Variants in ZNF506 observed in about 807,000 individuals in gnomAD.
ZNF506 encodes the protein zinc finger protein 506.
ZNF506 carries 10 observed loss-of-function variants against 11.6 expected under a neutral mutation model. That is an observed-to-expected ratio of 0.86 (90% CI 0.53 to 1.46). ZNF506 has a LOEUF of 1.46. ZNF506 is among the 40% of genes most tolerant of loss of function. The pLI is 0.00. For missense variants in ZNF506, 425 were observed against 521.2 expected, an observed-to-expected ratio of 0.82 and a Z score of 1.80; for synonymous variants, 156 against 173.3, an observed-to-expected ratio of 0.90 and a Z score of 0.78.
chr19:19,793,412 TC>T lies in ZNF506; in HGVS notation c.*1139del, dbSNP rs1024244863. Among the ~76,000 whole-genome samples the T allele has an allele frequency of 2.0e-4, 30 of 152,290 alleles. No individual in the cohort carries two copies. Among genetic ancestry groups the T allele is most frequent in the African/African-American group, 6.3e-4 (26 of 41,570 alleles). On this transcript the variant is annotated 3_prime_UTR_variant, in exon 4 of 4. Transcript: ENST00000540806. ...TATAGATTTTGAAAAAAAAAGTCTT[TC>T]CAAATTCATTATATTTGCAGGACTC...
chr19:19,808,108 C>CTTTTTTTTTTT lies in ZNF506; in HGVS notation c.4-1051_4-1041dup, dbSNP rs757160026. The stretch of plus-strand genomic sequence containing the variant: ...ACTTAACCAAGTGAATCATTAACCA[C>CTTTTTTTTTTT]TTTTTTTTTTTTTTTTTTTTTTTTT... On this transcript the variant is annotated intron_variant, in intron 1 of 3. Transcript: ENST00000540806. 3.3e-3 allele frequency among the ~76,000 whole-genome samples: 186 copies of CTTTTTTTTTTT among 56,774 alleles called. 43 individuals carry two copies. The highest frequency in any genetic ancestry group is 6.0e-3 in the African/African-American group (78 of 12,968). 37.2% of individuals were successfully genotyped at this position (56,774 alleles called of 152,430 possible).
rs1296578053 is a variant in ZNF506 at position 19,806,061 on chromosome 19, T to C, written c.196A>G (p.Lys66Glu). 6.2e-7 allele frequency: 1 copy of C among 1,610,192 alleles called. No individual in the cohort carries two copies. The highest frequency in any genetic ancestry group is 1.3e-5 in the African/African-American group (1 of 74,626). Residue 66 changes from lysine (K) to glutamate (E), a missense_variant, in exon 3 of 4, where the codon AAG becomes GAG. Physicochemically the swap from Lys to Glu is moderately conservative, Grantham distance 56. This residue lies in a region of ZNF506 where 226 missense variants were observed against 279.1 expected (regional missense o/e 0.81). Coordinates refer to ENST00000540806, the MANE Select transcript of ZNF506 (RefSeq NM_001099269.3). ...GGTTTGGCAATCATCTCATGCCTCTTCATAGTTAAAGGTTTTTTTCCTTGC... is the reference window on the plus strand; with the variant it reads ...GGTTTGGCAATCATCTCATGCCTCTCCATAGTTAAAGGTTTTTTTCCTTGC... Reference protein sequence around the residue: ...LEQGKKPLTMKRHEMIAKPPV... With the variant: ...LEQGKKPLTMERHEMIAKPPV...
At chr19:19,812,666 T>C (rs1415740210) in intron 1 of ZNF506, among the ~76,000 whole-genome samples, 1 of 152,218 alleles carries the variant, frequency 6.6e-6, no homozygotes, top group Non-Finnish European at 1.5e-5. Flanking sequence ...ACATTCTCTA[T>C]CCAAAGTCTG....
chr19:19,800,968 C>A (rs1296393163), intron 3 of ZNF506, among the ~76,000 whole-genome samples: 1 of 151,602 alleles, frequency 6.6e-6, no homozygotes, highest in African/African-American at 2.4e-5. Flanking sequence ...TGAGACCAGC[C>A]TGACCAACAT....
Position 19,818,467 on chromosome 19 carries a change from C to CT in ZNF506, c.3+3133dup, listed in dbSNP as rs375485511. 6.6e-4 allele frequency among the ~76,000 whole-genome samples: 101 copies of CT among 152,244 alleles called. 1 individual carries two copies. The highest frequency in any genetic ancestry group is 2.4e-3 in the African/African-American group (98 of 41,548). On this transcript the variant is annotated intron_variant, in intron 1 of 3. Coordinates refer to ENST00000540806, the MANE Select transcript of ZNF506 (RefSeq NM_001099269.3). ...CAAAATGGAAGAGAGATTTTCTCTA[C>CT]TTTTTTCCTTGGTAGCTAGCATTCT...
chr19:19,806,360 G>A (rs988398932), intron 2 of ZNF506: 7 of 218,546 alleles, frequency 3.2e-5, no homozygotes, highest in South Asian at 7.4e-5. Flanking sequence ...GGATTCAAGC[G>A]GTTCTCCTGT....
rs370512066 is a variant in ZNF506 at position 19,794,575 on chromosome 19, G to A, written c.1312C>T (p.Gln438Ter). Reference protein sequence around the residue: ...KNVENLLNVPQPLISIR With the variant: ...KNVENLLNVP ...AATTATCTTATGCTTATTAAGGGTT[G>A]AGGAACATTTAAAAGATTTTCCACA... Residue 438 changes from glutamine to a stop codon, truncating the protein, a stop_gained, in exon 4 of 4, where the codon CAA becomes TAA. Coordinates refer to ENST00000540806, the MANE Select transcript of ZNF506 (RefSeq NM_001099269.3). LOFTEE classifies it high-confidence loss of function. The A allele has an allele frequency of 2.7e-5, 44 of 1,600,098 alleles. No homozygotes were observed. The African/African-American group carries it at 5.1e-4, about 19-fold the overall frequency.
intron 3 of ZNF506, among the ~76,000 whole-genome samples, chr19:19,804,754 CA>C (rs1364901300): frequency 6.6e-6 from 1 of 152,010 alleles, no homozygotes; most frequent in Non-Finnish European, 1.5e-5. Context: ...TATGCAGCCA[CA>C]AAAAAGGATG....
rs1432751357 is a variant in ZNF506 at position 19,793,482 on chromosome 19, C to A, written c.*1070G>T. Among the ~76,000 whole-genome samples, 1 of 152,136 alleles carries A rather than the reference C, an allele frequency of 6.6e-6. No individual in the cohort carries two copies. The highest frequency in any genetic ancestry group is 6.6e-5 in the Admixed American group (1 of 15,264). On this transcript the variant is annotated 3_prime_UTR_variant, in exon 4 of 4. Transcript: ENST00000540806. ...ATGTTGTTGAATAAAGCTGGAGCAA[C>A]TGCTTCAGGTTTTCCTCTAGTACAC...
chr19:19,799,598 C>T (rs139166449), intron 3 of ZNF506: 6,228 of 480,190 alleles, frequency 0.013, 59 homozygotes, highest in Middle Eastern at 0.022. Context: ...ACAATACACT[C>T]TTGAGCATGC....
chr19:19,821,709 G>C lies in ZNF506; in HGVS notation c.-106C>G, dbSNP rs1326632672. Reference sequence around the variant, plus strand: ...CTCTAGGAGCTGACGGCACAGAGCAGTGAAGACGATAGCTGGATCTCTGGC... The same window carrying C: ...CTCTAGGAGCTGACGGCACAGAGCACTGAAGACGATAGCTGGATCTCTGGC... On this transcript the variant is annotated 5_prime_UTR_variant, in exon 1 of 4. Coordinates refer to ENST00000540806, the MANE Select transcript of ZNF506 (RefSeq NM_001099269.3). The C allele has an allele frequency of 1.1e-5, 15 of 1,426,882 alleles. No homozygotes were observed. The highest frequency in any genetic ancestry group is 2.3e-5 in the East Asian group (1 of 43,598). 88.4% of individuals were successfully genotyped at this position (1,426,882 alleles called of 1,614,324 possible).
rs1434327707 is a variant in ZNF506, at chr19:19,794,275, A to G, written c.*277T>C. On this transcript the variant is annotated 3_prime_UTR_variant, in exon 4 of 4. Coordinates refer to ENST00000540806, the MANE Select transcript of ZNF506 (RefSeq NM_001099269.3). ...CAGTGAGCTGAGATCGTGCCATTGC[A>G]CTCCAGCCTGGGTGACAAGAGTGAA... The G allele has an allele frequency of 3.7e-6, 1 of 268,692 alleles. No individual in the cohort carries two copies. The highest frequency in any genetic ancestry group is 8.8e-5 in the East Asian group (1 of 11,364). The allele number at this position is 268,692 out of a possible 1,614,324, so 16.6% of individuals were successfully genotyped here. A position where few individuals can be genotyped will look rare whatever the true frequency, so the allele number is the denominator to read the frequency against.
chr19:19,816,928 A>ATG (rs2062937428), intron 1 of ZNF506, among the ~76,000 whole-genome samples: 1 of 140,054 alleles, frequency 7.1e-6, no homozygotes, highest in Non-Finnish European at 1.5e-5. Flanking sequence ...GATTACAGGC[A>ATG]TGTAAGCCTG....
intron 3 of ZNF506, chr19:19,798,126 G>A (rs866782782): frequency 5.3e-5 from 8 of 152,224 alleles, no homozygotes; most frequent in East Asian, 3.9e-4. Context: ...ATGTTAATTA[G>A]TTATGTTAAT....
chr19:19,803,207 C>T (rs57845868), intron 3 of ZNF506, among the ~76,000 whole-genome samples: 4,482 of 152,264 alleles, frequency 0.029, 229 homozygotes, highest in African/African-American at 0.1. Flanking sequence ...TCTAACTATC[C>T]GAAACTCCTC....
chr19:19,808,843 CA>C (rs35282430), intron 1 of ZNF506, among the ~76,000 whole-genome samples: 353 of 82,700 alleles, frequency 4.3e-3, no homozygotes, highest in East Asian at 8.9e-3. Context: ...GACTCTGTCT[CA>C]AAAAAAAAAA....
In ZNF506 at chr19:19,806,028, T is replaced by C. The variant is rs749990743; in HGVS notation, c.226+3A>G. The C allele has an allele frequency of 3.7e-6, 6 of 1,603,772 alleles. No homozygotes were observed. In the South Asian group the frequency reaches 5.6e-5, roughly 15 times the overall value. The stretch of plus-strand genomic sequence containing the variant: ...TGTCCTATTCATTTTCACTCGCACC[T>C]ACCTGGGGGTTTGGCAATCATCTCA... On this transcript the variant is annotated splice_donor_region_variant and intron_variant, in intron 3 of 3. Coordinates refer to ENST00000540806, the MANE Select transcript of ZNF506 (RefSeq NM_001099269.3).
At chr19:19,798,619 C>T (rs1178946159) in intron 3 of ZNF506, 19 of 128,922 alleles carry the variant, frequency 1.5e-4, no homozygotes, top group African/African-American at 5.0e-4. Flanking sequence ...CGCGCCAGGG[C>T]ACTCCAGCCT....
Position 19,795,449 on chromosome 19 carries a change from T to C in ZNF506, c.438A>G (p.Gln146=), listed in dbSNP as rs777167933. The C allele has an allele frequency of 3.8e-6, 6 of 1,596,098 alleles. 1 individual carries two copies. The South Asian group carries it at 6.9e-5, about 18-fold the overall frequency. ...CLATTQRKIF[Q]CDEYVKFLHK... ...GCAAGAATTTCACATATTCATCACA[T>C]TGAAATATTTTTCTCTGGGTAGTTG... is the stretch of plus-strand genomic sequence containing the variant. Residue 146 remains glutamine, a synonymous_variant, in exon 4 of 4, where the codon CAA becomes CAG. Transcript: ENST00000540806.
Sources: gnomAD v4.1 joint callset for allele counts (sites outside exome capture counted in the v4.1 genomes callset) on GRCh38, gnomAD v4.1.1 for gene constraint, gnomAD v4.1.1 regional missense constraint, MANE v1.5 for transcripts, NCBI Gene and HGNC (gene_info 2026-07-23, HGNC 2026-07-21) for gene names.